The following PCDHGB3 variants were observed in gnomAD, a reference collection of about 807,000 sequenced individuals.
PCDHGB3 encodes protocadherin gamma-B3.
Under a neutral mutation model 59.2 loss-of-function variants are expected in PCDHGB3, and 40 were observed. The observed-to-expected ratio is 0.68, with a 90% CI of 0.52 to 0.88. PCDHGB3 has a LOEUF of 0.88. PCDHGB3 is among the 40% of genes least tolerant of loss of function. PCDHGB3 has a pLI of 0.00. For missense variants in PCDHGB3, 1,309 were observed against 1,187.9 expected (o/e 1.10, Z -1.50); for synonymous variants, 581 against 503.6 (o/e 1.15, Z -2.06).
intron 1 of PCDHGB3, among the ~76,000 whole-genome samples, chr5:141,435,794 C>T (rs993951734): frequency 2.6e-5 from 4 of 151,934 alleles, no homozygotes; most frequent in Admixed American, 6.6e-5. Flanking sequence ...GGAAACATAA[C>T]GTCCCAATTA....
chr5:141,415,761 T>A (rs1047830043), intron 1 of PCDHGB3: 2 of 1,399,648 alleles, frequency 1.4e-6, no homozygotes, highest in African/African-American at 3.0e-5. Context: ...TTTTTTTTTT[T>A]TTTTTTTTTT....
intron 1 of PCDHGB3, among the ~76,000 whole-genome samples, chr5:141,373,021 T>C (rs2150016771): frequency 6.6e-6 from 1 of 152,328 alleles, no homozygotes; most frequent in Non-Finnish European, 1.5e-5. Flanking sequence ...CTTTTGATAG[T>C]CTTGAAACTT....
chr5:141,399,360 C>T, intron 1 of PCDHGB3: 1 of 1,613,978 alleles, frequency 6.2e-7, no homozygotes, highest in Non-Finnish European at 8.5e-7. Context: ...GAGAGCAAAC[C>T]CCGGAGTACA....
intron 1 of PCDHGB3, chr5:141,429,047 GGTTTCACC>G (rs1254088441): frequency 1.3e-5 from 2 of 152,034 alleles, no homozygotes; most frequent in Non-Finnish European, 2.9e-5. Flanking sequence ...GTACAGACGG[GGTTTCACC>G]GTGTTAGCCA....
chr5:141,448,834 A>G (rs910945659), intron 1 of PCDHGB3, among the ~76,000 whole-genome samples: 2 of 151,780 alleles, frequency 1.3e-5, no homozygotes, highest in African/African-American at 4.8e-5. Context: ...AGTCCCAGCT[A>G]CTCTGGAGGC....
chr5:141,376,384 T>C (rs1588802430), intron 1 of PCDHGB3: 13 of 1,614,204 alleles, frequency 8.1e-6, no homozygotes, highest in Middle Eastern at 1.7e-4. Context: ...GTAAGAGTCA[T>C]CTGATTTTCC....
At chr5:141,421,513 C>T (rs368199651) in intron 1 of PCDHGB3, 14 of 1,613,960 alleles carry the variant, frequency 8.7e-6, no homozygotes, top group Non-Finnish European at 1.1e-5. Context: ...CCGGGAGGAG[C>T]TCTGTGAGAC....
At chr5:141,455,860 A>ATTAT (rs145569377) in intron 1 of PCDHGB3, among the ~76,000 whole-genome samples, 7,190 of 139,786 alleles carry the variant, frequency 0.051, 228 homozygotes, top group South Asian at 0.064. Context: ...AATTTCTTTT[A>ATTAT]TTATTTATTT....
At chr5:141,376,366 A>C in intron 1 of PCDHGB3, 1 of 1,614,206 alleles carries the variant, frequency 6.2e-7, no homozygotes, top group Non-Finnish European at 8.5e-7. Context: ...CACTCACTGC[A>C]GACTCGCGTA....
chr5:141,405,231 C>A, intron 1 of PCDHGB3: 1 of 1,614,130 alleles, frequency 6.2e-7, no homozygotes, highest in Non-Finnish European at 8.5e-7. Flanking sequence ...TTCTCCCTCA[C>A]CGCTGACTCA....
At chr5:141,419,552 C>T in intron 1 of PCDHGB3, 1 of 1,612,014 alleles carries the variant, frequency 6.2e-7, no homozygotes, top group Non-Finnish European at 8.5e-7. Flanking sequence ...GGTGCTGTAC[C>T]CTGCGCTGGG....
At chr5:141,398,517 G>C (rs754431224) in intron 1 of PCDHGB3, 38 of 1,592,096 alleles carry the variant, frequency 2.4e-5, no homozygotes, top group Non-Finnish European at 3.1e-5. Flanking sequence ...ATGACCACAC[G>C]CCAAAATTCA....
intron 1 of PCDHGB3, chr5:141,374,756 G>A (rs968410543): frequency 2.5e-6 from 4 of 1,612,954 alleles, no homozygotes; most frequent in Non-Finnish European, 2.5e-6. Flanking sequence ...CCGCTCAAGC[G>A]TCGCCCAAAT....
intron 1 of PCDHGB3, among the ~76,000 whole-genome samples, chr5:141,450,894 G>A (rs919860611): frequency 2.7e-5 from 4 of 148,956 alleles, no homozygotes; most frequent in Admixed American, 1.3e-4. Context: ...GTGCGATATC[G>A]GCTCACTGCA....
At chr5:141,393,542 T>A in intron 1 of PCDHGB3, 3 of 1,613,964 alleles carry the variant, frequency 1.9e-6, no homozygotes, top group Non-Finnish European at 2.5e-6. Flanking sequence ...CGGTTTTTCC[T>A]CACCCGATTT....
intron 1 of PCDHGB3, chr5:141,412,915 T>C (rs1167427710): frequency 2.0e-5 from 8 of 407,356 alleles, no homozygotes; most frequent in Non-Finnish European, 2.6e-5. Flanking sequence ...ATGTATCACT[T>C]GGGTGCAGTA....
intron 1 of PCDHGB3, among the ~76,000 whole-genome samples, chr5:141,471,999 T>C (rs577046645): frequency 3.9e-5 from 6 of 152,230 alleles, no homozygotes; most frequent in Admixed American, 2.0e-4. Flanking sequence ...AATCCCTGCA[T>C]CGTATAGGGG....
intron 1 of PCDHGB3, among the ~76,000 whole-genome samples, chr5:141,425,325 A>G (rs1371591408): frequency 6.6e-6 from 1 of 152,240 alleles, no homozygotes. Context: ...ATCGTGGAGA[A>G]CAAAAAGGAA....
In PCDHGB3 at chr5:141,477,670, A is replaced by G; in HGVS notation, c.2416-17137A>G. 1 of 1,614,198 alleles carries G rather than the reference A, an allele frequency of 6.2e-7. No individual in the cohort carries two copies. The highest frequency in any genetic ancestry group is 1.7e-5 in the Admixed American group (1 of 60,028). ...TCACAATAAATCGTGACAATGGCAT[A>G]GTGTCATCCTTAGTGCCCCTAGACT... On this transcript the variant is annotated intron_variant, in intron 1 of 3. Coordinates refer to ENST00000576222, the MANE Select transcript of PCDHGB3 (RefSeq NM_018924.5). This position sits in a 1 kb window ranked among gnomAD's most constrained non-coding sequence, Gnocchi z 4.9.
Sources: gnomAD v4.1 joint callset for allele counts (sites outside exome capture counted in the v4.1 genomes callset) on GRCh38, gnomAD v4.1.1 for gene constraint, Gnocchi (gnomAD v3.1) non-coding constraint, MANE v1.5 for transcripts, NCBI Gene and HGNC (gene_info 2026-07-23, HGNC 2026-07-21) for gene names.